Variants in PRRC2B observed in about 807,000 individuals in gnomAD.
PRRC2B encodes the protein protein PRRC2B.
Under a neutral mutation model 242.3 loss-of-function variants are expected in PRRC2B, and 68 were observed. The observed-to-expected ratio is 0.28, with a 90% confidence interval of 0.23 to 0.34. The LOEUF is 0.34. PRRC2B is among the 10% of genes least tolerant of loss of function. The probability of loss-of-function intolerance (pLI) is 1.00; values close to 1 mark genes in which losing one functional copy is unlikely to be tolerated. For missense variants in PRRC2B, 2,835 were observed against 2,954.8 expected, an observed-to-expected ratio of 0.96 and a Z score of 0.94; for synonymous variants, 1,228 against 1,173.6, an observed-to-expected ratio of 1.05 and a Z score of -0.95.
chr9:131,466,109 G>C (rs1943388770), intron 12 of PRRC2B, among the ~76,000 whole-genome samples: 1 of 152,220 alleles, frequency 6.6e-6, no homozygotes, highest in Non-Finnish European at 1.5e-5. Flanking sequence ...ATAATCAGCT[G>C]TTTTCTTTAT....
At chr9:131,398,803 A>T (rs2131279894) in intron 1 of PRRC2B, among the ~76,000 whole-genome samples, 1 of 152,052 alleles carries the variant, frequency 6.6e-6, no homozygotes, top group African/African-American at 2.4e-5. Context: ...TGATGAAAAT[A>T]AAAAAATGCC....
intron 1 of PRRC2B, among the ~76,000 whole-genome samples, chr9:131,383,014 C>T (rs577447782): frequency 1.7e-4 from 26 of 152,230 alleles, no homozygotes; most frequent in African/African-American, 6.0e-4. Context: ...TACCAGACAG[C>T]GTGGGATGTC....
intron 28 of PRRC2B, among the ~76,000 whole-genome samples, chr9:131,488,372 T>G (rs1052659008): frequency 6.6e-6 from 1 of 151,896 alleles, no homozygotes; most frequent in Non-Finnish European, 1.5e-5. Flanking sequence ...CAGGCGATGC[T>G]CCTGCCTCAG....
At chr9:131,472,927 T>G (rs74625509) in intron 14 of PRRC2B, among the ~76,000 whole-genome samples, 2,873 of 152,310 alleles carry the variant, frequency 0.019, 95 homozygotes, top group African/African-American at 0.065. Context: ...TTCTATATGT[T>G]AGTGGTTACG....
chr9:131,478,397 A>G, intron 17 of PRRC2B, 77 bp from the exon 18 acceptor site: 1 of 1,375,280 alleles, frequency 7.3e-7, no homozygotes, highest in Non-Finnish European at 1.0e-6. Flanking sequence ...GCTAGATCTC[A>G]GGCGCCTGTT....
chr9:131,484,669 C>T lies in PRRC2B; in HGVS notation c.5461-17C>T, dbSNP rs1266343731. 1.3e-6 allele frequency: 2 copies of T among 1,581,690 alleles called. No homozygotes were observed. Among genetic ancestry groups the T allele is most frequent in the Non-Finnish European group, 1.7e-6 (2 of 1,163,582 alleles). On this transcript the variant is annotated splice_polypyrimidine_tract_variant and intron_variant, in intron 23 of 31. Transcript: ENST00000683519. Reference sequence around the variant, plus strand: ...GCACCTGTTTGTGTTCCATGGTTTCCTTTTCCTCCTCTCCAGGCAGGGTTA... The same window carrying T: ...GCACCTGTTTGTGTTCCATGGTTTCTTTTTCCTCCTCTCCAGGCAGGGTTA...
intron 23 of PRRC2B, among the ~76,000 whole-genome samples, chr9:131,484,165 G>A (rs1366393045): frequency 2.0e-5 from 3 of 152,218 alleles, no homozygotes; most frequent in East Asian, 1.9e-4. Flanking sequence ...GGAAGCGGGG[G>A]CACTGTTGCA....
In PRRC2B at chr9:131,473,851, C is replaced by T. The variant is rs898475986; in HGVS notation, c.2324+127C>T. ...ACGGGAGACGTGCTCCTTGAAGGGA[C>T]TCCTGGTTCCTCTGGGGAAGGAGAG... On this transcript the variant is annotated intron_variant, in intron 15 of 31. Coordinates refer to ENST00000683519, the MANE Select transcript of PRRC2B (RefSeq NM_013318.4). 7.5e-6 allele frequency: 5 copies of T among 664,368 alleles called. No individual in the cohort carries two copies. In the East Asian group the frequency reaches 1.4e-4, roughly 18 times the overall value. 41.2% of individuals were successfully genotyped at this position (664,368 alleles called of 1,614,324 possible). A position where few individuals can be genotyped will look rare whatever the true frequency, so the allele number is the denominator to read the frequency against.
chr9:131,395,240 G>A (rs2131274697), intron 1 of PRRC2B, among the ~76,000 whole-genome samples: 1 of 152,058 alleles, frequency 6.6e-6, no homozygotes, highest in South Asian at 2.1e-4. Flanking sequence ...AATGCCTTTG[G>A]TTTACAGGAC....
Position 131,476,133 on chromosome 9 carries a change from T to C in PRRC2B, c.4004T>C (p.Leu1335Pro). 1 of 1,610,654 alleles carries C rather than the reference T, an allele frequency of 6.2e-7. No homozygotes were observed. The highest frequency in any genetic ancestry group is 8.5e-7 in the Non-Finnish European group (1 of 1,177,810). ...GGACCCGAGGAGGAGCCCCACCTGC[T>C]GGCAGGTCAGTGGCCAGGCAGGCCC... Reference protein sequence around the residue: ...LWGPEEEPHLLAGQWPGRPKL... With the variant: ...LWGPEEEPHLPAGQWPGRPKL... Residue 1335 changes from leucine (L) to proline (P), a missense_variant, in exon 16 of 32, where the codon CTG becomes CCG. Leu to Pro is a moderately conservative substitution (Grantham distance 98). Transcript: ENST00000683519.
At chr9:131,451,252 A>C (rs1942905785) in intron 9 of PRRC2B, among the ~76,000 whole-genome samples, 1 of 152,130 alleles carries the variant, frequency 6.6e-6, no homozygotes, top group Non-Finnish European at 1.5e-5. Flanking sequence ...ACAAAAAATT[A>C]GCCGGGCGTG....
chr9:131,474,464 T>C lies in PRRC2B; in HGVS notation c.2335T>C (p.Ser779Pro). ...CTGGTTCCTTTTCAGGAATGAAAGC[T>C]CTTTCTCTGCCTCACTCGGAAGGGC... Reference protein sequence around the residue: ...AMDMRVRNESSFSASLGRAGG... With the variant: ...AMDMRVRNESPFSASLGRAGG... Residue 779 changes from serine (S) to proline (P), a missense_variant, in exon 16 of 32, where the codon TCT (serine) becomes CCT (proline). By Grantham distance (74) the Ser-to-Pro change is moderately conservative. Transcript: ENST00000683519. 1 of 1,604,170 alleles carries C rather than the reference T, an allele frequency of 6.2e-7. No homozygotes were observed. The highest frequency in any genetic ancestry group is 8.5e-7 in the Non-Finnish European group (1 of 1,173,916).
intron 1 of PRRC2B, among the ~76,000 whole-genome samples, chr9:131,420,503 T>TCTTTC (rs1465337298): frequency 3.2e-5 from 3 of 93,878 alleles, no homozygotes; most frequent in African/African-American, 4.3e-5. Context: ...CTTTTTTTTT[T>TCTTTC]TTTTTTTGAG....
chr9:131,482,531 A>G lies in PRRC2B; in HGVS notation c.5144A>G (p.Lys1715Arg). The change falls in exon 21 of 32, where the codon AAG becomes AGG. Residue 1715 changes from lysine to arginine, a missense_variant. Transcript: ENST00000683519. The surrounding 1 kb of genome is among the most constrained non-coding windows in gnomAD (Gnocchi z 5.2). The part of the protein sequence containing the change: ...GLAEPKADSH[K>R]EQAPKPSEQK... The stretch of plus-strand genomic sequence containing the variant: ...GCGGAACCCAAGGCCGACAGCCACA[A>G]GGAGCAGGCTCCAAAGCCATCTGAG... 6.2e-7 allele frequency: 1 copy of G among 1,609,190 alleles called. No individual in the cohort carries two copies. The highest frequency in any genetic ancestry group is 1.7e-5 in the Admixed American group (1 of 59,720).
intron 1 of PRRC2B, among the ~76,000 whole-genome samples, chr9:131,385,318 G>T (rs1836813016): frequency 6.7e-6 from 1 of 148,678 alleles, no homozygotes; most frequent in Admixed American, 7.0e-5. Context: ...TCCAGCCTGG[G>T]TAACGAGCGA....
At chr9:131,426,450 T>C (rs1339923113) in intron 1 of PRRC2B, among the ~76,000 whole-genome samples, 1 of 152,172 alleles carries the variant, frequency 6.6e-6, no homozygotes, top group Non-Finnish European at 1.5e-5. Context: ...GATCTCGCTC[T>C]GCCCTCAAGA....
chr9:131,404,411 G>T (rs1036387947), intron 1 of PRRC2B, among the ~76,000 whole-genome samples: 3 of 151,902 alleles, frequency 2.0e-5, no homozygotes, highest in African/African-American at 7.3e-5. Flanking sequence ...TAATAAAGAC[G>T]AGATTTCACT....
At chr9:131,472,418 C>T (rs1220697572) in intron 14 of PRRC2B, among the ~76,000 whole-genome samples, 1 of 151,744 alleles carries the variant, frequency 6.6e-6, no homozygotes, top group Non-Finnish European at 1.5e-5. Flanking sequence ...GATTCTTCTG[C>T]CTCAGCCTCC....
Position 131,382,259 on chromosome 9 carries a change from C to T in PRRC2B, c.-56+8528C>T, listed in dbSNP as rs574196719. 1.7e-4 allele frequency among the ~76,000 whole-genome samples: 26 copies of T among 152,192 alleles called. No individual in the cohort carries two copies. In the South Asian group the frequency reaches 5.0e-3, roughly 29 times the overall value. On this transcript the variant is annotated intron_variant, in intron 1 of 1. Coordinates refer to the PRRC2B transcript ENST00000682525. The stretch of plus-strand genomic sequence containing the variant: ...CTCAAACTCCTGACTTCAGGTGATC[C>T]ACCCTCCTCGGCTTCTCAAAGTGCT...
Sources: allele counts gnomAD v4.1 joint callset (sites outside exome capture counted in the v4.1 genomes callset), GRCh38; gene constraint gnomAD v4.1.1; non-coding constraint Gnocchi (gnomAD v3.1); transcripts MANE v1.5; gene names NCBI Gene and HGNC (gene_info 2026-07-23, HGNC 2026-07-21).